The following EP300 variants were observed in gnomAD, a reference collection of about 807,000 sequenced individuals.
EP300 encodes the protein EP300 lysine acetyltransferase.
Under a neutral mutation model 264.0 loss-of-function variants are expected in EP300, and 31 were observed. That is an observed-to-expected ratio of 0.12 (90% CI 0.09 to 0.16). EP300 has a LOEUF of 0.16. Ranked by LOEUF, EP300 falls within the 10% of genes least tolerant of loss-of-function variation. EP300 has a pLI of 1.00. For missense variants in EP300, 2,766 were observed against 3,052.9 expected, an observed-to-expected ratio of 0.91 and a Z score of 2.21; for synonymous variants, 1,340 against 1,045.4, an observed-to-expected ratio of 1.28 and a Z score of -5.44.
At chr22:41,169,333 C>G in intron 25 of EP300, 170 bp from the exon 26 acceptor site, 1 of 634,926 alleles carries the variant, frequency 1.6e-6, no homozygotes, top group East Asian at 2.7e-5. Context: ...ACTGAACTTC[C>G]CTGAAGGGTT....
At chr22:41,096,436 TC>T (rs1375017390) in intron 1 of EP300, among the ~76,000 whole-genome samples, 1 of 152,120 alleles carries the variant, frequency 6.6e-6, no homozygotes, top group East Asian at 1.9e-4. Flanking sequence ...AGGGTAAAGA[TC>T]CTTCTGGTCT....
intron 1 of EP300, among the ~76,000 whole-genome samples, chr22:41,115,064 G>C (rs2058813511): frequency 6.6e-6 from 1 of 152,144 alleles, no homozygotes; most frequent in Non-Finnish European, 1.5e-5. Flanking sequence ...CTCCTGAGTA[G>C]CTTGGACTAT....
rs768515859 is a variant in EP300 at position 41,117,679 on chromosome 22, T to C, written c.587T>C (p.Ile196Thr). Residue 196 changes from isoleucine (I) to threonine (T), a missense_variant, in exon 2 of 31, where the codon ATT becomes ACT. Transcript: ENST00000263253. ...IMPNQVMNGS[I>T]GAGRGRQNMQ... ...CCTAATCAAGTCATGAACGGTTCAATTGGAGCAGGCCGAGGGCGACAGAAT... is the reference window on the plus strand; with the variant it reads ...CCTAATCAAGTCATGAACGGTTCAACTGGAGCAGGCCGAGGGCGACAGAAT... The C allele has an allele frequency of 5.0e-6, 8 of 1,614,066 alleles. No individual in the cohort carries two copies. Among genetic ancestry groups the C allele is most frequent in the South Asian group, 1.1e-5 (1 of 91,086 alleles).
In EP300 at chr22:41,177,845, C is replaced by T. The variant is rs2145519499; in HGVS notation, c.6134C>T (p.Thr2045Ile). The T allele has an allele frequency of 2.5e-6, 4 of 1,614,154 alleles. No individual in the cohort carries two copies. Among genetic ancestry groups the T allele is most frequent in the Non-Finnish European group, 3.4e-6 (4 of 1,180,030 alleles). ...GGTATCAGCCCACTCAAACCAGGCA[C>T]TGTGTCTCAACAAGCCTTACAAAAC... Reference protein sequence around the residue: ...QVGISPLKPGTVSQQALQNLL... With the variant: ...QVGISPLKPGIVSQQALQNLL... The change falls in exon 31 of 31, where the codon ACT becomes ATT. Residue 2045 changes from threonine to isoleucine, a missense_variant. By Grantham distance (89) the Thr-to-Ile change is moderately conservative (BLOSUM62 -1). Coordinates refer to ENST00000263253, the MANE Select transcript of EP300 (RefSeq NM_001429.4).
chr22:41,166,702 CT>C lies in EP300; in HGVS notation c.3874+38del, dbSNP rs1184896843. 3.4e-6 allele frequency: 5 copies of C among 1,451,516 alleles called. No homozygotes were observed. The African/African-American group carries it at 7.0e-5, about 20-fold the overall frequency. The allele number at this position is 1,451,516 out of a possible 1,614,324, so 89.9% of individuals were successfully genotyped here. A position where few individuals can be genotyped will look rare whatever the true frequency, so the allele number is the denominator to read the frequency against. On this transcript the variant is annotated intron_variant, in intron 23 of 30. Coordinates refer to ENST00000263253, the MANE Select transcript of EP300 (RefSeq NM_001429.4). ...TTCTTAAAGGTAAATTTTGGCAAAA[CT>C]TATCTGAAGCCTAGATAAGAAACCA...
intron 2 of EP300, among the ~76,000 whole-genome samples, chr22:41,119,143 A>C: frequency 6.8e-6 from 1 of 147,000 alleles, no homozygotes; most frequent in African/African-American, 2.5e-5. Context: ...GCTGGAACTG[A>C]AGGCACATAC....
chr22:41,124,232 G>A (rs189441687), intron 2 of EP300, among the ~76,000 whole-genome samples: 47 of 152,170 alleles, frequency 3.1e-4, no homozygotes, highest in African/African-American at 9.2e-4. Context: ...GCGACAGAGC[G>A]AGACTTTGTC....
chr22:41,139,524 C>A (rs931411076), intron 8 of EP300, among the ~76,000 whole-genome samples: 1 of 152,138 alleles, frequency 6.6e-6, no homozygotes, highest in East Asian at 1.9e-4. Flanking sequence ...TCCTTCAAGT[C>A]CTATGCAACT....
intron 17 of EP300, among the ~76,000 whole-genome samples, chr22:41,156,035 G>C (rs1275179524): frequency 1.3e-5 from 2 of 151,862 alleles, no homozygotes; most frequent in Non-Finnish European, 2.9e-5. Flanking sequence ...TTTTGAGATG[G>C]AGTTTCACTC....
At position 41,099,422 on chromosome 22, in the gene EP300, T is replaced by TAGTA. The variant is rs200989735; in HGVS notation, c.94+6325_94+6328dup. On this transcript the variant is annotated intron_variant, in intron 1 of 30. Transcript: ENST00000263253. ...TCCAGTGGATACCTGAAACCCTGTATAGTAGTGAATATAATTGTCATCAGT... is the reference window on the plus strand; with the variant it reads ...TCCAGTGGATACCTGAAACCCTGTATAGTAAGTAGTGAATATAATTGTCATCAGT... 1.9e-3 allele frequency among the ~76,000 whole-genome samples: 288 copies of TAGTA among 152,284 alleles called. 1 individual carries two copies. In the East Asian group the frequency reaches 0.019, roughly 10 times the overall value.
At chr22:41,135,444 C>A (rs750417228) in intron 6 of EP300, among the ~76,000 whole-genome samples, 6 of 152,006 alleles carry the variant, frequency 3.9e-5, no homozygotes, top group Non-Finnish European at 5.9e-5. Flanking sequence ...GCCCCCATTT[C>A]TTCGTGTCTT....
intron 2 of EP300, among the ~76,000 whole-genome samples, chr22:41,120,265 A>G (rs2058844939): frequency 1.3e-5 from 2 of 152,172 alleles, no homozygotes; most frequent in Admixed American, 6.5e-5. Flanking sequence ...AGCGGTTCAC[A>G]CCTAGAATCA....
intron 17 of EP300, 77 bp from the exon 18 acceptor site, chr22:41,157,092 A>C: frequency 6.3e-7 from 1 of 1,583,670 alleles, no homozygotes; most frequent in South Asian, 1.1e-5. Context: ...GAAAATTAAC[A>C]ATGATAATGG....
In EP300 at chr22:41,179,711, T is replaced by C. The variant is rs2059229436; in HGVS notation, c.*755T>C. Reference sequence around the variant, plus strand: ...AGCTGCCAAATTGATGTATTATATATTGTGGTTTCTGTTTCTTGAAAGAAT... The same window carrying C: ...AGCTGCCAAATTGATGTATTATATACTGTGGTTTCTGTTTCTTGAAAGAAT... On this transcript the variant is annotated 3_prime_UTR_variant, in exon 31 of 31. Transcript: ENST00000263253. 4.4e-6 allele frequency: 1 copy of C among 229,820 alleles called. No individual in the cohort carries two copies. The highest frequency in any genetic ancestry group is 1.8e-4 in the South Asian group (1 of 5,504). 14.2% of individuals were successfully genotyped at this position (229,820 alleles called of 1,614,324 possible).
chr22:41,151,166 G>A (rs1386812104), intron 14 of EP300, among the ~76,000 whole-genome samples: 1 of 152,036 alleles, frequency 6.6e-6, no homozygotes, highest in Non-Finnish European at 1.5e-5. Context: ...AGTTCCATGA[G>A]TCACAGCCGT....
In EP300 at chr22:41,140,267, T is replaced by TG; in HGVS notation, c.1878+12dup. On this transcript the variant is annotated intron_variant, in intron 9 of 30. Transcript: ENST00000263253. ...ATCTGCAAACAATCGAGTGAGTGTCTGGTTTTTTTCTATTAATAGCCAAGA... is the reference window on the plus strand; with the variant it reads ...ATCTGCAAACAATCGAGTGAGTGTCTGGGTTTTTTTCTATTAATAGCCAAGA... The TG allele has an allele frequency of 6.4e-7, 1 of 1,573,286 alleles. No homozygotes were observed. The highest frequency in any genetic ancestry group is 1.1e-5 in the South Asian group (1 of 90,292).
intron 25 of EP300, 97 bp from the exon 26 acceptor site, chr22:41,169,406 T>C: frequency 2.5e-6 from 2 of 792,144 alleles, no homozygotes; most frequent in Non-Finnish European, 4.4e-6. Flanking sequence ...GCAAAGAGCC[T>C]GGGAGAGTGA....
intron 19 of EP300, 160 bp from the exon 20 acceptor site, chr22:41,160,482 C>T: frequency 1.5e-6 from 1 of 659,820 alleles, no homozygotes; most frequent in Non-Finnish European, 2.8e-6. Flanking sequence ...ACTGTGGGGC[C>T]CATATATCTG....
intron 26 of EP300, among the ~76,000 whole-genome samples, chr22:41,169,883 G>A (rs2059160471): frequency 6.6e-6 from 1 of 152,074 alleles, no homozygotes; most frequent in African/African-American, 2.4e-5. Context: ...TTTGATTTGT[G>A]CCCCTCATTT....
Sources: allele counts gnomAD v4.1 joint callset (sites outside exome capture counted in the v4.1 genomes callset), GRCh38; gene constraint gnomAD v4.1.1; transcripts MANE v1.5; gene names NCBI Gene and HGNC (gene_info 2026-07-23, HGNC 2026-07-21).